The following GMDS variants were observed in gnomAD, a reference collection of about 807,000 sequenced individuals.
GMDS encodes GDP-mannose 4,6-dehydratase.
GMDS carries 20 observed loss-of-function variants against 49.9 expected under a neutral mutation model. The ratio of observed to expected loss-of-function variants is 0.40; its 90% CI spans 0.28 to 0.58. The LOEUF (loss-of-function observed/expected upper bound fraction) is 0.58. GMDS is among the 20% of genes least tolerant of loss of function. The probability of loss-of-function intolerance (pLI) is 0.42; values close to 1 mark genes in which losing one functional copy is unlikely to be tolerated. For missense variants in GMDS, 362 were observed against 481.4 expected, an observed-to-expected ratio of 0.75 and a Z score of 2.32; for synonymous variants, 177 against 178.6, an observed-to-expected ratio of 0.99 and a Z score of 0.07.
chr6:2,120,155 G>A (rs768996856), intron 2 of GMDS, among the ~76,000 whole-genome samples: 3 of 152,066 alleles, frequency 2.0e-5, no homozygotes, highest in South Asian at 2.1e-4. Flanking sequence ...ACTGGACACC[G>A]TTCTCTGTAT....
At chr6:1,648,118 C>T (rs770971433) in intron 9 of GMDS, among the ~76,000 whole-genome samples, 7 of 152,204 alleles carry the variant, frequency 4.6e-5, no homozygotes, top group Non-Finnish European at 8.8e-5. Flanking sequence ...AGGACATCCT[C>T]GCCTAAAGCT....
intron 9 of GMDS, among the ~76,000 whole-genome samples, chr6:1,638,157 C>A (rs1046045265): frequency 1.3e-5 from 2 of 152,146 alleles, no homozygotes; most frequent in African/African-American, 4.8e-5. Flanking sequence ...AGAGCAGAGA[C>A]AGGAATGGAA....
At chr6:2,141,865 G>GTTCT (rs140420038) in intron 1 of GMDS, among the ~76,000 whole-genome samples, 1 of 145,592 alleles carries the variant, frequency 6.9e-6, no homozygotes, top group Non-Finnish European at 1.5e-5. Context: ...GGTTGTGCGT[G>GTTCT]CTCTCTCTCT....
At chr6:1,960,030 C>A in intron 5 of GMDS, 59 bp from the exon 6 acceptor site, 1 of 934,856 alleles carries the variant, frequency 1.1e-6, no homozygotes, top group Non-Finnish European at 1.7e-6. Context: ...TGATTCTCAC[C>A]ATCTTCAACA....
chr6:1,705,671 G>A (rs1488193044), intron 9 of GMDS, among the ~76,000 whole-genome samples: 1 of 152,186 alleles, frequency 6.6e-6, no homozygotes, highest in Non-Finnish European at 1.5e-5. Context: ...GACTGCGCAT[G>A]GTGTGGGGCT....
chr6:1,938,397 A>G (rs1211857754), intron 6 of GMDS, among the ~76,000 whole-genome samples: 2 of 152,212 alleles, frequency 1.3e-5, no homozygotes, highest in African/African-American at 4.8e-5. Context: ...TTAATGTGGA[A>G]AAATTAACTA....
chr6:2,032,829 A>C (rs1769053018), intron 4 of GMDS, among the ~76,000 whole-genome samples: 1 of 152,172 alleles, frequency 6.6e-6, no homozygotes, highest in African/African-American at 2.4e-5. Flanking sequence ...TAGCATTTGG[A>C]ATACAACCTG....
chr6:1,895,138 C>T (rs74725604), intron 7 of GMDS, among the ~76,000 whole-genome samples: 16 of 152,212 alleles, frequency 1.1e-4, no homozygotes, highest in Admixed American at 2.0e-4. Flanking sequence ...TAACTTTATC[C>T]GATGGGCAAC....
chr6:1,632,231 C>G (rs1159280682), intron 9 of GMDS, among the ~76,000 whole-genome samples: 1 of 152,310 alleles, frequency 6.6e-6, no homozygotes, highest in South Asian at 2.1e-4. Context: ...AAACAATACA[C>G]TTTACACACA....
chr6:1,998,096 C>A (rs1450590373), intron 4 of GMDS, among the ~76,000 whole-genome samples: 1 of 151,942 alleles, frequency 6.6e-6, no homozygotes, highest in Non-Finnish European at 1.5e-5. Flanking sequence ...CGGGGAAGAT[C>A]AAATCTTGAT....
intron 4 of GMDS, among the ~76,000 whole-genome samples, chr6:1,978,423 T>C (rs1765038809): frequency 6.6e-6 from 1 of 152,120 alleles, no homozygotes; most frequent in Admixed American, 6.5e-5. Flanking sequence ...CCTGCCAGCT[T>C]TGGAGAGTCC....
intron 4 of GMDS, among the ~76,000 whole-genome samples, chr6:2,078,541 A>G (rs1167679271): frequency 6.6e-6 from 1 of 152,054 alleles, no homozygotes; most frequent in Non-Finnish European, 1.5e-5. Context: ...TCATTCAGGA[A>G]CATGTTGTTT....
chr6:1,712,367 A>C (rs1766003571), intron 9 of GMDS, among the ~76,000 whole-genome samples: 1 of 152,246 alleles, frequency 6.6e-6, no homozygotes, highest in Non-Finnish European at 1.5e-5. Flanking sequence ...ATGACGTGTA[A>C]AGTAGAAGAT....
chr6:1,829,224 C>A (rs1771250671), intron 7 of GMDS, among the ~76,000 whole-genome samples: 1 of 152,044 alleles, frequency 6.6e-6, no homozygotes, highest in African/African-American at 2.4e-5. Flanking sequence ...ACAGTTCAAA[C>A]CCATGTTGTT....
At chr6:2,235,044 G>C (rs1208548775) in intron 1 of GMDS, among the ~76,000 whole-genome samples, 2 of 152,282 alleles carry the variant, frequency 1.3e-5, no homozygotes, top group African/African-American at 4.8e-5. Flanking sequence ...AGAATCGCTT[G>C]AACCTGGGAG....
intron 9 of GMDS, among the ~76,000 whole-genome samples, chr6:1,704,124 T>G (rs561844098): frequency 6.6e-6 from 1 of 152,234 alleles, no homozygotes; most frequent in African/African-American, 2.4e-5. Context: ...AGTTAACGTT[T>G]TTGCTAAGGG....
At chr6:1,828,836 A>G (rs982332625) in intron 7 of GMDS, among the ~76,000 whole-genome samples, 3 of 152,190 alleles carry the variant, frequency 2.0e-5, no homozygotes, top group African/African-American at 7.2e-5. Flanking sequence ...GACCCTTAAC[A>G]TGGAGGGTTA....
At chr6:2,002,361 TG>T (rs1766877560) in intron 4 of GMDS, among the ~76,000 whole-genome samples, 1 of 152,200 alleles carries the variant, frequency 6.6e-6, no homozygotes, top group South Asian at 2.1e-4. Context: ...TAAGGCAGGA[TG>T]AATGAGGGAT....
At chr6:1,902,120 T>C (rs1262312230) in intron 7 of GMDS, among the ~76,000 whole-genome samples, 1 of 152,230 alleles carries the variant, frequency 6.6e-6, no homozygotes, top group Non-Finnish European at 1.5e-5. Flanking sequence ...GTGTAATTAA[T>C]TCTGCACATT....
Sources: allele counts gnomAD v4.1 joint callset (sites outside exome capture counted in the v4.1 genomes callset), GRCh38; gene constraint gnomAD v4.1.1; transcripts MANE v1.5; gene names NCBI Gene and HGNC (gene_info 2026-07-23, HGNC 2026-07-21).